The following SPMIP2 variants were observed in gnomAD, a reference collection of about 807,000 sequenced individuals.
The protein encoded by SPMIP2 is protein SPMIP2.
chr4:158,906,178 A>C, the SPMIP2 span: 6 of 152,112 alleles, frequency 3.9e-5, no homozygotes, highest in Admixed American at 3.9e-4. Flanking sequence ...TGGTGTTTTA[A>C]GTTCTGTAGT....
At chr4:159,070,067 C>T in the SPMIP2 span, among the ~76,000 whole-genome samples, 1 of 150,244 alleles carries the variant, frequency 6.7e-6, no homozygotes, top group South Asian at 2.1e-4. Context: ...TTTGTAACAA[C>T]AATTACTCAT....
chr4:158,974,819 T>C, the SPMIP2 span, among the ~76,000 whole-genome samples: 111 of 152,328 alleles, frequency 7.3e-4, no homozygotes, highest in African/African-American at 2.6e-3. Context: ...TTTGGGTATA[T>C]ACCCAGTAAT....
chr4:159,007,687 T>G, the SPMIP2 span: 1 of 716,714 alleles, frequency 1.4e-6, no homozygotes, highest in East Asian at 4.2e-5. Context: ...TGGGTCTTGG[T>G]GCACCAGCGA....
chr4:158,933,411 T>C, the SPMIP2 span, among the ~76,000 whole-genome samples: 17 of 152,342 alleles, frequency 1.1e-4, no homozygotes, highest in East Asian at 7.7e-4. Flanking sequence ...ACTGTATCAT[T>C]GTGAAATGAA....
the SPMIP2 span, chr4:158,906,566 A>C: frequency 6.6e-6 from 1 of 152,168 alleles, no homozygotes; most frequent in Non-Finnish European, 1.5e-5. Flanking sequence ...GAGAAAATTT[A>C]ATTTGCTCTT....
the SPMIP2 span, among the ~76,000 whole-genome samples, chr4:158,928,136 G>A: frequency 6.6e-6 from 1 of 152,354 alleles, no homozygotes; most frequent in Non-Finnish European, 1.5e-5. Context: ...CACAGGTGTG[G>A]GATCCACTGG....
the SPMIP2 span, among the ~76,000 whole-genome samples, chr4:159,030,724 T>G: frequency 6.6e-6 from 1 of 152,246 alleles, no homozygotes; most frequent in East Asian, 1.9e-4. Context: ...CTCAAACCCC[T>G]GACCTTAAGT....
At chr4:158,894,258 C>A in the SPMIP2 span, among the ~76,000 whole-genome samples, 1 of 151,064 alleles carries the variant, frequency 6.6e-6, no homozygotes, top group East Asian at 1.9e-4. Flanking sequence ...GCAGCCTTGA[C>A]CTCCTAGGCT....
At chr4:158,894,745 G>A in the SPMIP2 span, among the ~76,000 whole-genome samples, 1 of 151,988 alleles carries the variant, frequency 6.6e-6, no homozygotes, top group Non-Finnish European at 1.5e-5. Flanking sequence ...ATGAGAATTG[G>A]TGAAATCCTC....
chr4:159,026,736 T>TA, the SPMIP2 span, among the ~76,000 whole-genome samples: 3 of 151,774 alleles, frequency 2.0e-5, no homozygotes, highest in East Asian at 1.9e-4. Flanking sequence ...AAATAAAAAA[T>TA]AAAAAAATTA....
the SPMIP2 span, among the ~76,000 whole-genome samples, chr4:158,954,150 A>G: frequency 2.0e-5 from 3 of 152,256 alleles, no homozygotes; most frequent in African/African-American, 7.2e-5. Flanking sequence ...CTGTGTCCCC[A>G]CCCAAATCTC....
the SPMIP2 span, among the ~76,000 whole-genome samples, chr4:158,977,190 C>G: frequency 1.3e-5 from 2 of 152,062 alleles, no homozygotes; most frequent in Non-Finnish European, 2.9e-5. Context: ...CACTTTGCAC[C>G]CCCCTGGTAG....
the SPMIP2 span, among the ~76,000 whole-genome samples, chr4:158,935,788 G>A: frequency 6.6e-6 from 1 of 152,210 alleles, no homozygotes; most frequent in Non-Finnish European, 1.5e-5. Context: ...AGGACTGGCT[G>A]TGCCTTACTT....
At chr4:158,977,602 T>C in the SPMIP2 span, among the ~76,000 whole-genome samples, 3 of 54,274 alleles carry the variant, frequency 5.5e-5, no homozygotes, top group African/African-American at 1.7e-4. Flanking sequence ...CTTCAGTTCT[T>C]TTTTTTTTTT....
At chr4:159,075,630 G>T in the SPMIP2 span, among the ~76,000 whole-genome samples, 2 of 152,078 alleles carry the variant, frequency 1.3e-5, no homozygotes, top group African/African-American at 2.4e-5. Context: ...TGCCAACAGC[G>T]TGTAGGACAA....
chr4:159,013,474 T>G, the SPMIP2 span, among the ~76,000 whole-genome samples: 2 of 152,210 alleles, frequency 1.3e-5, no homozygotes, highest in Non-Finnish European at 2.9e-5. Flanking sequence ...TTAGGGTTGG[T>G]GACTGGTGAG....
the SPMIP2 span, among the ~76,000 whole-genome samples, chr4:158,947,088 A>G: frequency 6.6e-6 from 1 of 152,290 alleles, no homozygotes; most frequent in Non-Finnish European, 1.5e-5. Flanking sequence ...GGAAGTGGGA[A>G]GACAGTTTTT....
chr4:159,050,253 G>C, the SPMIP2 span, among the ~76,000 whole-genome samples: 1 of 148,616 alleles, frequency 6.7e-6, no homozygotes, highest in Non-Finnish European at 1.5e-5. Flanking sequence ...CTACTGTCAG[G>C]CTTGAGAAGT....
chr4:158,910,173 G>T, the SPMIP2 span, among the ~76,000 whole-genome samples: 2 of 149,260 alleles, frequency 1.3e-5, no homozygotes, highest in South Asian at 2.2e-4. Context: ...GAGCCACCAG[G>T]TCTGGCCTGT....
Sources: allele counts gnomAD v4.1 joint callset (sites outside exome capture counted in the v4.1 genomes callset), GRCh38; gene constraint gnomAD v4.1.1; transcripts MANE v1.5; gene names NCBI Gene and HGNC (gene_info 2026-07-23, HGNC 2026-07-21).